IARS2: variants seen among roughly 807,000 people sequenced by gnomAD.
IARS2 encodes the protein isoleucine--tRNA ligase, mitochondrial.
IARS2 carries 56 observed loss-of-function variants against 126.3 expected under a neutral mutation model. The observed-to-expected ratio is 0.44, with a 90% CI of 0.36 to 0.55. The LOEUF is 0.55. Among genes scored for constraint, IARS2 ranks in the 20% least tolerant of loss-of-function variants. The pLI is 0.00. For missense variants in IARS2, 1,127 were observed against 1,245.9 expected, an observed-to-expected ratio of 0.90 and a Z score of 1.44; for synonymous variants, 407 against 441.1, an observed-to-expected ratio of 0.92 and a Z score of 0.97.
At chr1:220,134,800 T>A (rs1657340218) in intron 15 of IARS2, 1 of 180,754 alleles carries the variant, frequency 5.5e-6, no homozygotes, top group South Asian at 1.9e-4. Flanking sequence ...AAGGATCGCA[T>A]TCAGTCACCC....
Position 220,138,042 on chromosome 1 carries a change from A to G in IARS2, c.2174A>G (p.Lys725Arg). 6.2e-7 allele frequency: 1 copy of G among 1,613,936 alleles called. No homozygotes were observed. The highest frequency in any genetic ancestry group is 8.5e-7 in the Non-Finnish European group (1 of 1,179,916). Reference sequence around the variant, plus strand: ...AATGCTGCCAGAGATGATATTAGCAAGGTTAGAACTATTATTCTTCCTATT... The same window carrying G: ...AATGCTGCCAGAGATGATATTAGCAGGGTTAGAACTATTATTCTTCCTATT... ...VLNAARDDIS[K>R]LRNTLRFLLG... is the part of the protein sequence containing the mutation. Residue 725 changes from lysine (K) to arginine (R), a missense_variant and splice_region_variant, in exon 17 of 23, where the codon AAG becomes AGG. Physicochemically the swap from Lys to Arg is conservative, Grantham distance 26. Transcript: ENST00000366922.
At chr1:220,118,184 T>C in intron 12 of IARS2, 1 of 505,802 alleles carries the variant, frequency 2.0e-6, no homozygotes. Context: ...TAACAGCATC[T>C]CCACTGGAAA....
At chr1:220,112,845 C>G (rs542308359) in intron 11 of IARS2, among the ~76,000 whole-genome samples, 1 of 151,434 alleles carries the variant, frequency 6.6e-6, no homozygotes, top group Admixed American at 6.6e-5. Context: ...AGGTGTCAGC[C>G]AAAGATAAAC....
At chr1:220,136,952 G>T in intron 16 of IARS2, 41 bp downstream of exon 16, 2 of 1,309,732 alleles carry the variant, frequency 1.5e-6, no homozygotes, top group Non-Finnish European at 2.2e-6. Context: ...TCGTTTTAAG[G>T]ATCTTAAATT....
chr1:220,123,497 G>A (rs1481194288), intron 12 of IARS2, among the ~76,000 whole-genome samples: 2 of 151,572 alleles, frequency 1.3e-5, no homozygotes, highest in South Asian at 2.1e-4. Flanking sequence ...TTTTTGAGAC[G>A]GAGTCTCCCT....
At chr1:220,108,856 C>CA (rs1363747959) in intron 10 of IARS2, among the ~76,000 whole-genome samples, 2 of 68,262 alleles carry the variant, frequency 2.9e-5, no homozygotes, top group Non-Finnish European at 5.1e-5. Context: ...TGTGAATCCT[C>CA]TTTTTTTTTT....
At chr1:220,119,255 C>T (rs148473591) in intron 12 of IARS2, among the ~76,000 whole-genome samples, 137 of 152,144 alleles carry the variant, frequency 9.0e-4, no homozygotes, top group African/African-American at 2.6e-3. Context: ...ACACGTAATG[C>T]ATGTGTTGAG....
In IARS2 at chr1:220,140,244, A is replaced by G. The variant is rs1448927304; in HGVS notation, c.2369A>G (p.Tyr790Cys). Residue 790 changes from tyrosine (Y) to cysteine (C), a missense_variant, in exon 19 of 23, where the codon TAT (tyrosine) becomes TGT (cysteine). By Grantham distance (194) the Tyr-to-Cys change is radical. Transcript: ENST00000366922. ...GTTGTTCGGCTGTTACGGACGTTTT[A>G]TACCAGAGAGCTCTCTAACTTTTAT... ...GKVVRLLRTF[Y>C]TRELSNFYFS... The G allele has an allele frequency of 6.8e-6, 11 of 1,612,196 alleles. No homozygotes were observed. The highest frequency in any genetic ancestry group is 9.3e-6 in the Non-Finnish European group (11 of 1,178,416).
At chr1:220,128,643 C>T (rs1657200857) in intron 14 of IARS2, among the ~76,000 whole-genome samples, 1 of 152,160 alleles carries the variant, frequency 6.6e-6, no homozygotes, top group Admixed American at 6.5e-5. Context: ...CCTGCTGGCA[C>T]ATTTTGGGCA....
intron 7 of IARS2, among the ~76,000 whole-genome samples, 170 bp downstream of exon 7, chr1:220,102,947 C>A (rs904932010): frequency 6.6e-6 from 1 of 151,970 alleles, no homozygotes; most frequent in Non-Finnish European, 1.5e-5. Context: ...CTTTTTATGA[C>A]CTTATCCAGC....
intron 22 of IARS2, 51 bp downstream of exon 22, chr1:220,145,704 T>C (rs759967298): frequency 1.3e-6 from 2 of 1,490,864 alleles, no homozygotes; most frequent in Non-Finnish European, 9.1e-7. Flanking sequence ...TGAATAATTA[T>C]AGGTCATCTC....
At chr1:220,123,542 C>T (rs1217037454) in intron 12 of IARS2, among the ~76,000 whole-genome samples, 3 of 152,160 alleles carry the variant, frequency 2.0e-5, no homozygotes, top group Non-Finnish European at 4.4e-5. Context: ...GGCGCGATCT[C>T]AGCTCACTGC....
In IARS2 at chr1:220,107,072, G is replaced by A. The variant is rs751885806; in HGVS notation, c.1248G>A (p.Val416=). Residue 416 remains valine, a synonymous_variant, in exon 10 of 23, where the codon GTG becomes GTA. Coordinates refer to ENST00000366922, the MANE Select transcript of IARS2 (RefSeq NM_018060.4). ...SQHNLPMDCL[V]DEDGVFTDVA... is the part of the protein sequence containing the mutation. ...ATGATACTTTATAGGATTGTCTAGT[G>A]GACGAAGATGGAGTTTTCACAGATG... The A allele has an allele frequency of 3.7e-6, 6 of 1,608,650 alleles. No individual in the cohort carries two copies. The highest frequency in any genetic ancestry group is 1.7e-5 in the Admixed American group (1 of 60,010).
At position 220,125,336 on chromosome 1, in the gene IARS2, T is replaced by C; in HGVS notation, c.1740T>C (p.Ser580=). 6.3e-7 allele frequency: 1 copy of C among 1,596,450 alleles called. No individual in the cohort carries two copies. The highest frequency in any genetic ancestry group is 8.6e-7 in the Non-Finnish European group (1 of 1,164,110). ...PEQLLPKEVL[S]EVGGPDALEY... The stretch of plus-strand genomic sequence containing the variant: ...AACTTCTTCCAAAAGAAGTCTTATC[T>C]GAGGTAAATTTCTGTTTGTATTTAA... The change falls in exon 13 of 23, where the codon TCT becomes TCC. Residue 580 remains serine (S), a synonymous_variant. Coordinates refer to ENST00000366922, the MANE Select transcript of IARS2 (RefSeq NM_018060.4).
At chr1:220,098,128 C>A (rs555679611) in intron 2 of IARS2, among the ~76,000 whole-genome samples, 2 of 152,096 alleles carry the variant, frequency 1.3e-5, no homozygotes, top group African/African-American at 4.8e-5. Context: ...ACCTCATGAT[C>A]CACCCGCCTC....
intron 21 of IARS2, 124 bp downstream of exon 21, chr1:220,143,258 TTATTC>T (rs1254805550): frequency 5.6e-6 from 3 of 531,408 alleles, no homozygotes; most frequent in African/African-American, 3.8e-5. Context: ...TACTATGCAA[TTATTC>T]TATTATGTTC....
At chr1:220,117,447 G>T (rs566934721) in intron 12 of IARS2, among the ~76,000 whole-genome samples, 136 of 151,702 alleles carry the variant, frequency 9.0e-4, no homozygotes, top group African/African-American at 3.1e-3. Context: ...TGATCCGCCC[G>T]CCTCAGCCTC....
In IARS2 at chr1:220,147,802, A is replaced by G. The variant is rs954119082; in HGVS notation, c.*167A>G. On this transcript the variant is annotated 3_prime_UTR_variant, in exon 23 of 23. Transcript: ENST00000366922. ...AATTATAGAAGAAGTATTTCCTGTA[A>G]CTATAGAAAGAATTATGTATATATA... The G allele has an allele frequency of 1.6e-6, 1 of 634,444 alleles. No homozygotes were observed. The allele number at this position is 634,444 out of a possible 1,614,324, so 39.3% of individuals were successfully genotyped here. A position where few individuals can be genotyped will look rare whatever the true frequency, so the allele number is the denominator to read the frequency against.
At chr1:220,134,122 T>C (rs1657320455) in intron 14 of IARS2, among the ~76,000 whole-genome samples, 1 of 152,182 alleles carries the variant, frequency 6.6e-6, no homozygotes. Context: ...TTGTCATGAT[T>C]AGATCCACGT....
Sources: allele counts gnomAD v4.1 joint callset (sites outside exome capture counted in the v4.1 genomes callset), GRCh38; gene constraint gnomAD v4.1.1; transcripts MANE v1.5; gene names NCBI Gene and HGNC (gene_info 2026-07-23, HGNC 2026-07-21).